The following DST variants were observed in gnomAD, a reference collection of about 807,000 sequenced individuals.
The protein encoded by DST is bullous pemphigoid antigen.
DST carries 253 observed loss-of-function variants against 875.2 expected under a neutral mutation model. The ratio of observed to expected loss-of-function variants is 0.29; its 90% CI spans 0.26 to 0.32. The LOEUF is 0.32. DST is among the 10% of genes least tolerant of loss of function. DST has a pLI of 1.00. For synonymous variants in DST, 3,124 were observed against 3,197.1 expected (o/e 0.98, Z 0.77); for missense variants, 8,287 against 9,111.6 (o/e 0.91, Z 3.68).
intron 9 of DST, among the ~76,000 whole-genome samples, chr6:56,672,102 T>C (rs1182392597): frequency 6.6e-6 from 1 of 151,972 alleles, no homozygotes; most frequent in East Asian, 1.9e-4. Flanking sequence ...ACCTGTTACA[T>C]GTGGTAGTGC....
At chr6:56,640,632 G>T (rs1400596718) in intron 17 of DST, 27 bp from the exon 18 acceptor site, 1 of 1,567,108 alleles carries the variant, frequency 6.4e-7, no homozygotes, top group Non-Finnish European at 8.8e-7. Context: ...AAGGGATAAG[G>T]TGAAATATAA....
chr6:56,884,218 A>G (rs962088543), intron 3 of DST, among the ~76,000 whole-genome samples: 1 of 151,948 alleles, frequency 6.6e-6, no homozygotes, highest in African/African-American at 2.4e-5. Context: ...CATACATGTT[A>G]CATTTGGTTG....
At chr6:56,615,643 T>C (rs376757243) in intron 36 of DST, 10 of 1,614,016 alleles carry the variant, frequency 6.2e-6, no homozygotes, top group Middle Eastern at 1.6e-4. Context: ...ACTTTCTTTT[T>C]GTCTGAGGGC....
At chr6:56,548,295 G>A (rs1181199791) in intron 61 of DST, among the ~76,000 whole-genome samples, 1 of 152,208 alleles carries the variant, frequency 6.6e-6, no homozygotes, top group Non-Finnish European at 1.5e-5. Flanking sequence ...GTGGGCCATG[G>A]GTGGGACAAG....
chr6:56,614,488 A>C lies in DST; in HGVS notation c.4930-4T>G. The C allele has an allele frequency of 2.5e-6, 4 of 1,600,908 alleles. No homozygotes were observed. Among genetic ancestry groups the C allele is most frequent in the Non-Finnish European group, 3.4e-6 (4 of 1,174,222 alleles). ...TCTTTTCTTCTTCCAGTGACTTCTG[A>C]CAGTTGTGAGCGGTAAGAAAAATAT... On this transcript the variant is annotated splice_region_variant and splice_polypyrimidine_tract_variant and intron_variant, in intron 36 of 103. Transcript: ENST00000680361.
At chr6:56,812,132 A>AAGAAAAGAAT in intron 4 of DST, among the ~76,000 whole-genome samples, 1 of 151,186 alleles carries the variant, frequency 6.6e-6, no homozygotes, top group East Asian at 1.9e-4. Context: ...AAGAAAAGAA[A>AAGAAAAGAAT]AGAAAAGAAA....
intron 4 of DST, among the ~76,000 whole-genome samples, chr6:56,827,336 A>T (rs553840098): frequency 6.6e-6 from 1 of 152,190 alleles, no homozygotes; most frequent in Non-Finnish European, 1.5e-5. Flanking sequence ...CAACATGGTG[A>T]AACCCCGTCT....
chr6:56,730,158 A>T (rs1246087055), intron 5 of DST, among the ~76,000 whole-genome samples: 1 of 152,202 alleles, frequency 6.6e-6, no homozygotes, highest in Non-Finnish European at 1.5e-5. Context: ...AATTAGATGG[A>T]TCCTATGCAA....
At chr6:56,796,002 A>G (rs1364435532) in intron 4 of DST, among the ~76,000 whole-genome samples, 2 of 152,198 alleles carry the variant, frequency 1.3e-5, no homozygotes, top group African/African-American at 2.4e-5. Context: ...TCTTGAGACC[A>G]CAGGATCCAG....
intron 49 of DST, among the ~76,000 whole-genome samples, chr6:56,584,501 C>A (rs1212275180): frequency 0.015 from 2,132 of 143,388 alleles, 77 homozygotes; most frequent in African/African-American, 0.059. Flanking sequence ...GGGCTGAGGC[C>A]ATGGGGTTTT....
At chr6:56,837,853 C>G (rs1276919433) in intron 4 of DST, among the ~76,000 whole-genome samples, 1 of 151,504 alleles carries the variant, frequency 6.6e-6, no homozygotes, top group Non-Finnish European at 1.5e-5. Context: ...GAATTATTTG[C>G]TTCTTCTTTT....
At chr6:56,516,483 C>T (rs1396076078) in intron 71 of DST, among the ~76,000 whole-genome samples, 1 of 152,128 alleles carries the variant, frequency 6.6e-6, no homozygotes, top group Admixed American at 6.5e-5. Flanking sequence ...CATATCATTA[C>T]ATTGTGCATC....
chr6:56,672,833 T>C (rs1291805618), intron 9 of DST, among the ~76,000 whole-genome samples: 1 of 152,240 alleles, frequency 6.6e-6, no homozygotes, highest in East Asian at 1.9e-4. Context: ...AACCTTGACT[T>C]TATTATTTTC....
intron 49 of DST, among the ~76,000 whole-genome samples, chr6:56,591,668 A>T: frequency 6.6e-6 from 1 of 152,118 alleles, no homozygotes; most frequent in Admixed American, 6.5e-5. Flanking sequence ...GCAATGTCAA[A>T]CCTGTTAAGA....
chr6:56,470,850 A>G (rs2094853559), intron 95 of DST, among the ~76,000 whole-genome samples: 1 of 151,368 alleles, frequency 6.6e-6, no homozygotes, highest in South Asian at 2.1e-4. Flanking sequence ...ATCATATATT[A>G]TTAACTTTAT....
At chr6:56,623,338 T>C (rs1418376968) in intron 36 of DST, among the ~76,000 whole-genome samples, 2 of 152,196 alleles carry the variant, frequency 1.3e-5, no homozygotes, top group African/African-American at 4.8e-5. Context: ...AAAAGATCTG[T>C]ATACCATTTA....
intron 92 of DST, 77 bp from the exon 93 acceptor site, chr6:56,474,079 A>G: frequency 8.3e-7 from 1 of 1,206,334 alleles, no homozygotes; most frequent in Non-Finnish European, 1.2e-6. Context: ...TAAAAGCAGA[A>G]GGATAAAAGA....
intron 91 of DST, 99 bp from the exon 92 acceptor site, chr6:56,476,436 C>T: frequency 1.8e-6 from 2 of 1,102,704 alleles, no homozygotes; most frequent in East Asian, 2.6e-5. Context: ...TTAGGATCAT[C>T]CTGAGCTAGA....
intron 9 of DST, among the ~76,000 whole-genome samples, chr6:56,686,888 A>G (rs2099190859): frequency 6.6e-6 from 1 of 152,258 alleles, no homozygotes; most frequent in Non-Finnish European, 1.5e-5. Context: ...TCTTTTTCAC[A>G]TACGTGACCT....
Sources: allele counts gnomAD v4.1 joint callset (sites outside exome capture counted in the v4.1 genomes callset), GRCh38; gene constraint gnomAD v4.1.1; transcripts MANE v1.5; gene names NCBI Gene and HGNC (gene_info 2026-07-23, HGNC 2026-07-21).